Variants in MAF observed in about 807,000 individuals in gnomAD.
The protein encoded by MAF is MAF bZIP transcription factor, also known as transcription factor Maf.
Under a neutral mutation model 22.0 loss-of-function variants are expected in MAF, and 10 were observed. That is an observed-to-expected ratio of 0.45 (90% CI 0.28 to 0.77). The LOEUF is 0.77. Among genes scored for constraint, MAF ranks in the 30% least tolerant of loss-of-function variants. MAF has a pLI of 0.12. For missense variants in MAF, 544 were observed against 548.4 expected (o/e 0.99, Z 0.08); for synonymous variants, 337 against 255.8 (o/e 1.32, Z -3.03).
the MAF span, among the ~76,000 whole-genome samples, chr16:79,446,733 G>A: frequency 7.5e-6 from 1 of 132,820 alleles, no homozygotes; most frequent in African/African-American, 2.5e-5. Context: ...GCAGCACAGT[G>A]AGACACCCAT....
the MAF span, among the ~76,000 whole-genome samples, chr16:79,237,605 C>T: frequency 6.6e-6 from 1 of 152,030 alleles, no homozygotes; most frequent in Non-Finnish European, 1.5e-5. Flanking sequence ...TAGGTGAGTT[C>T]CATCTCAGAG....
the MAF span, chr16:79,205,497 G>C: frequency 6.6e-6 from 1 of 152,340 alleles, no homozygotes; most frequent in East Asian, 1.9e-4. Flanking sequence ...GGAGGGCTAA[G>C]AGTTGGCATG....
chr16:79,250,930 T>A, the MAF span, among the ~76,000 whole-genome samples: 1 of 152,186 alleles, frequency 6.6e-6, no homozygotes, highest in African/African-American at 2.4e-5. Flanking sequence ...ACTGTATTTG[T>A]CTGTAATAAT....
chr16:79,453,005 C>A, the MAF span, among the ~76,000 whole-genome samples: 128 of 152,288 alleles, frequency 8.4e-4, 1 homozygote, highest in African/African-American at 3.0e-3. Context: ...AATGAGAGCT[C>A]ACTGTATTTA....
the MAF span, among the ~76,000 whole-genome samples, chr16:79,526,196 G>A: frequency 7.2e-5 from 11 of 152,292 alleles, no homozygotes; most frequent in Non-Finnish European, 1.6e-4. Flanking sequence ...ACCAGGAGCC[G>A]GTTTTGTGGA....
At chr16:79,550,419 G>A in the MAF span, among the ~76,000 whole-genome samples, 1 of 151,832 alleles carries the variant, frequency 6.6e-6, no homozygotes, top group Non-Finnish European at 1.5e-5. Flanking sequence ...TTGCAAAATG[G>A]GTCAAGTCAG....
chr16:79,305,720 C>A, the MAF span, among the ~76,000 whole-genome samples: 1 of 152,068 alleles, frequency 6.6e-6, no homozygotes, highest in Admixed American at 6.5e-5. Context: ...CAACAGAAAT[C>A]GACGCTGGAA....
At chr16:79,229,760 G>A in the MAF span, among the ~76,000 whole-genome samples, 1 of 151,932 alleles carries the variant, frequency 6.6e-6, no homozygotes, top group Admixed American at 6.6e-5. Flanking sequence ...TGTACCTCCG[G>A]GATTCCTTCT....
the MAF span, among the ~76,000 whole-genome samples, chr16:79,548,025 C>A: frequency 9.2e-5 from 14 of 152,100 alleles, no homozygotes; most frequent in East Asian, 3.9e-4. Context: ...TTCACACACA[C>A]AAAAAACTGA....
the MAF span, among the ~76,000 whole-genome samples, chr16:79,400,184 C>G: frequency 2.6e-5 from 4 of 152,188 alleles, no homozygotes; most frequent in Non-Finnish European, 4.4e-5. Context: ...ACAGGGCAGA[C>G]CCCACCACAA....
the MAF span, among the ~76,000 whole-genome samples, chr16:79,539,671 AC>A: frequency 6.6e-6 from 1 of 152,258 alleles, no homozygotes; most frequent in Admixed American, 6.5e-5. Flanking sequence ...GACAATCTAA[AC>A]ATCCAATAAT....
chr16:79,303,501 C>G, the MAF span, among the ~76,000 whole-genome samples: 1 of 152,160 alleles, frequency 6.6e-6, no homozygotes, highest in Non-Finnish European at 1.5e-5. Flanking sequence ...TCTCTCTTGC[C>G]TTTGACCTTA....
the MAF span, among the ~76,000 whole-genome samples, chr16:79,543,321 C>A: frequency 6.6e-6 from 1 of 152,124 alleles, no homozygotes; most frequent in East Asian, 1.9e-4. Context: ...GGGATCAATC[C>A]CGGTCAGACA....
chr16:79,455,545 C>T, the MAF span, among the ~76,000 whole-genome samples: 1,362 of 152,256 alleles, frequency 8.9e-3, 13 homozygotes, highest in Non-Finnish European at 0.014. Flanking sequence ...GCCAACATAC[C>T]TCAAGAAGAC....
chr16:79,397,681 T>A, the MAF span, among the ~76,000 whole-genome samples: 6 of 152,166 alleles, frequency 3.9e-5, no homozygotes. Flanking sequence ...TCCTGGACCC[T>A]GTGTTATCAA....
At chr16:79,362,064 G>C in the MAF span, among the ~76,000 whole-genome samples, 1 of 152,182 alleles carries the variant, frequency 6.6e-6, no homozygotes, top group Non-Finnish European at 1.5e-5. Context: ...TATAATCCCA[G>C]GTTGACTTGG....
the MAF span, among the ~76,000 whole-genome samples, chr16:79,404,167 T>G: frequency 6.7e-6 from 1 of 148,240 alleles, no homozygotes; most frequent in Non-Finnish European, 1.5e-5. Context: ...GGATTTTCTT[T>G]TTTTTTTTTT....
chr16:79,289,947 C>T, the MAF span, among the ~76,000 whole-genome samples: 2 of 150,576 alleles, frequency 1.3e-5, no homozygotes, highest in Non-Finnish European at 2.9e-5. Context: ...ACCTCCACCT[C>T]CTGGATTCAA....
At chr16:79,253,502 C>T in the MAF span, among the ~76,000 whole-genome samples, 18 of 152,282 alleles carry the variant, frequency 1.2e-4, 1 homozygote, top group South Asian at 3.7e-3. Flanking sequence ...GGCCTCCCTT[C>T]TCCAATTTTA....
Sources: gnomAD v4.1 joint callset for allele counts (sites outside exome capture counted in the v4.1 genomes callset) on GRCh38, gnomAD v4.1.1 for gene constraint, MANE v1.5 for transcripts, NCBI Gene and HGNC (gene_info 2026-07-23, HGNC 2026-07-21) for gene names.